Variants in CDYL observed in about 807,000 individuals in gnomAD.
CDYL encodes chromodomain Y-like protein.
Under a neutral mutation model 47.3 loss-of-function variants are expected in CDYL, and 8 were observed. That is an observed-to-expected ratio of 0.17 (90% CI 0.10 to 0.31). CDYL has a LOEUF of 0.31. Ranked by LOEUF, CDYL falls within the 10% of genes least tolerant of loss-of-function variation. The pLI is 1.00. For synonymous variants in CDYL, 266 were observed against 265.0 expected (o/e 1.00, Z -0.04); for missense variants, 471 against 701.4 (o/e 0.67, Z 3.71).
At chr6:4,854,222 C>T (rs1392464966) in intron 1 of CDYL, among the ~76,000 whole-genome samples, 1 of 152,194 alleles carries the variant, frequency 6.6e-6, no homozygotes, top group Non-Finnish European at 1.5e-5. Flanking sequence ...GTCTGGCTCT[C>T]CTCACTGGAA....
chr6:4,735,458 C>G (rs929972511), intron 3 of CDYL, among the ~76,000 whole-genome samples: 1 of 151,900 alleles, frequency 6.6e-6, no homozygotes, highest in African/African-American at 2.4e-5. Flanking sequence ...ATATAATTGA[C>G]ATACAAAAAG....
intron 2 of CDYL, among the ~76,000 whole-genome samples, chr6:4,727,327 C>T (rs1359236735): frequency 6.6e-6 from 1 of 152,116 alleles, no homozygotes; most frequent in East Asian, 1.9e-4. Flanking sequence ...GGGTAGGAAG[C>T]TCATGGATGT....
intron 2 of CDYL, 53 bp from the exon 3 acceptor site, chr6:4,935,462 A>G: frequency 6.9e-7 from 1 of 1,458,410 alleles, no homozygotes; most frequent in East Asian, 2.3e-5. Context: ...GACACCTGGG[A>G]GTGAACTGGT....
At chr6:4,853,764 TG>T (rs1760921265) in intron 1 of CDYL, among the ~76,000 whole-genome samples, 1 of 152,240 alleles carries the variant, frequency 6.6e-6, no homozygotes, top group African/African-American at 2.4e-5. Flanking sequence ...ACCGTTTGTG[TG>T]GCACACTGGC....
intron 3 of CDYL, among the ~76,000 whole-genome samples, chr6:4,767,269 A>C (rs1758269400): frequency 6.6e-6 from 1 of 152,028 alleles, no homozygotes. Context: ...TAAAAAAAAA[A>C]AAAGTTTAGA....
chr6:4,807,690 ACCTCCTGGGCTCAGGCAAT>A (rs1388579875), intron 1 of CDYL, among the ~76,000 whole-genome samples: 1 of 129,188 alleles, frequency 7.7e-6, no homozygotes, highest in Non-Finnish European at 1.5e-5. Flanking sequence ...TGCAGCCTCT[ACCTCCTGGGCTCAGGCAAT>A]CCTCCTGCCT....
chr6:4,857,412 A>C (rs1761041924), intron 1 of CDYL, among the ~76,000 whole-genome samples: 1 of 152,218 alleles, frequency 6.6e-6, no homozygotes, highest in African/African-American at 2.4e-5. Context: ...ATGTTGCTCT[A>C]GGGGAGGACT....
chr6:4,939,176 A>G (rs936940713), intron 4 of CDYL, among the ~76,000 whole-genome samples: 3 of 152,218 alleles, frequency 2.0e-5, no homozygotes, highest in Non-Finnish European at 2.9e-5. Flanking sequence ...AAGTTGAACT[A>G]CTTTTGATAG....
intron 3 of CDYL, among the ~76,000 whole-genome samples, chr6:4,761,220 T>C (rs1758170373): frequency 6.6e-6 from 1 of 152,190 alleles, no homozygotes; most frequent in Non-Finnish European, 1.5e-5. Flanking sequence ...CAGTTACATA[T>C]GTGTTAAACA....
intron 3 of CDYL, among the ~76,000 whole-genome samples, chr6:4,748,808 A>G (rs74800677): frequency 0.028 from 4,213 of 152,332 alleles, 83 homozygotes; most frequent in Non-Finnish European, 0.046. Context: ...GCTTATAATT[A>G]TTCATCTCTA....
At chr6:4,754,358 C>T (rs549653331) in intron 3 of CDYL, among the ~76,000 whole-genome samples, 6 of 152,304 alleles carry the variant, frequency 3.9e-5, no homozygotes, top group African/African-American at 1.4e-4. Context: ...ATTTTCATTT[C>T]AGAAGACATA....
intron 2 of CDYL, among the ~76,000 whole-genome samples, chr6:4,931,026 C>T (rs1758020722): frequency 1.3e-5 from 2 of 152,274 alleles, no homozygotes; most frequent in Middle Eastern, 3.4e-3. Context: ...TACTTCTGCT[C>T]TGAAGTGTGG....
intron 1 of CDYL, among the ~76,000 whole-genome samples, chr6:4,796,942 A>G (rs545083502): frequency 5.3e-5 from 8 of 152,226 alleles, no homozygotes; most frequent in Non-Finnish European, 8.8e-5. Context: ...TGGATTTGCT[A>G]TTACTTTGCT....
intron 3 of CDYL, among the ~76,000 whole-genome samples, chr6:4,736,533 T>C (rs951386393): frequency 2.6e-5 from 4 of 152,142 alleles, no homozygotes; most frequent in Non-Finnish European, 5.9e-5. Context: ...GGCCTCTGCT[T>C]ATATAGGTCA....
At chr6:4,846,837 T>G (rs1760674741) in intron 1 of CDYL, among the ~76,000 whole-genome samples, 1 of 152,242 alleles carries the variant, frequency 6.6e-6, no homozygotes, top group South Asian at 2.1e-4. Flanking sequence ...AAGCCAAGAC[T>G]GTTTTAGGCA....
At chr6:4,726,136 G>A (rs562270069) in intron 2 of CDYL, among the ~76,000 whole-genome samples, 1 of 152,126 alleles carries the variant, frequency 6.6e-6, no homozygotes, top group Non-Finnish European at 1.5e-5. Flanking sequence ...AAATGGGCCC[G>A]GCACGGTGGC....
chr6:4,929,152 A>T (rs1214871993), intron 2 of CDYL, among the ~76,000 whole-genome samples: 1 of 151,978 alleles, frequency 6.6e-6, no homozygotes, highest in East Asian at 1.9e-4. Flanking sequence ...CTCAGCTTTT[A>T]TCTAGAAATG....
At chr6:4,882,109 A>G (rs964092872) in intron 1 of CDYL, among the ~76,000 whole-genome samples, 2 of 152,168 alleles carry the variant, frequency 1.3e-5, no homozygotes, top group East Asian at 3.9e-4. Context: ...GAGCAGGAAC[A>G]TGTTGGTACC....
intron 2 of CDYL, among the ~76,000 whole-genome samples, chr6:4,916,318 A>G (rs1019278450): frequency 6.6e-6 from 1 of 152,244 alleles, no homozygotes; most frequent in East Asian, 1.9e-4. Context: ...TACAAACTGC[A>G]TACCTCTAGC....
Sources: gnomAD v4.1 joint callset for allele counts (sites outside exome capture counted in the v4.1 genomes callset) on GRCh38, gnomAD v4.1.1 for gene constraint, MANE v1.5 for transcripts, NCBI Gene and HGNC (gene_info 2026-07-23, HGNC 2026-07-21) for gene names.